TBC1D2B: variants seen among roughly 807,000 people sequenced by gnomAD.
TBC1D2B encodes TBC1 domain family, member 2B.
In TBC1D2B, 64 loss-of-function variants were observed where a neutral mutation model predicts 100.8. The ratio of observed to expected loss-of-function variants is 0.64; its 90% CI spans 0.52 to 0.78. TBC1D2B has a LOEUF of 0.78. TBC1D2B is among the 30% of genes least tolerant of loss of function. The probability of loss-of-function intolerance (pLI) is 0.00; values close to 1 mark genes in which losing one functional copy is unlikely to be tolerated. For synonymous variants in TBC1D2B, 480 were observed against 479.7 expected (o/e 1.00, Z -0.01); for missense variants, 1,052 against 1,218.4 (o/e 0.86, Z 2.03).
At chr15:78,000,332 C>A (rs892242555) in intron 12 of TBC1D2B, among the ~76,000 whole-genome samples, 2 of 152,348 alleles carry the variant, frequency 1.3e-5, no homozygotes, top group Middle Eastern at 3.4e-3. Context: ...CACCTCCGCT[C>A]CTCCTGGCAG....
intron 3 of TBC1D2B, among the ~76,000 whole-genome samples, chr15:78,038,733 G>A (rs140196568): frequency 0.01 from 1,538 of 152,284 alleles, 5 homozygotes; most frequent in Non-Finnish European, 0.016. Context: ...TGGTGGCCCT[G>A]GACAAGACAT....
rs369333666 is a variant in TBC1D2B, at chr15:78,009,628, A to C, written c.2271-514T>G. Among the ~76,000 whole-genome samples the C allele has an allele frequency of 9.2e-5, 14 of 152,208 alleles. No homozygotes were observed. The East Asian group carries it at 1.5e-3, about 17-fold the overall frequency. On this transcript the variant is annotated intron_variant, in intron 9 of 12. Transcript: ENST00000300584. Reference sequence around the variant, plus strand: ...ACTTTCATTTGGTTTTTGTTCAAAGATGAAATTGTTTCCCAATGATCAGCC... The same window carrying C: ...ACTTTCATTTGGTTTTTGTTCAAAGCTGAAATTGTTTCCCAATGATCAGCC...
At chr15:78,073,806 C>G (rs2073778029) in intron 1 of TBC1D2B, among the ~76,000 whole-genome samples, 1 of 151,868 alleles carries the variant, frequency 6.6e-6, no homozygotes, top group South Asian at 2.1e-4. Context: ...CCCGTCTCTA[C>G]TAAAAATACA....
rs1298292689 is a variant in TBC1D2B at position 77,996,739 on chromosome 15, A to G, written c.*1421T>C. The stretch of plus-strand genomic sequence containing the variant: ...TAGGAAAAATACTTCTTAAAACTGC[A>G]TTGCTTCAATTCTTAGTCTCAGTGT... On this transcript the variant is annotated 3_prime_UTR_variant, in exon 13 of 13. Coordinates refer to ENST00000300584, the MANE Select transcript of TBC1D2B (RefSeq NM_144572.2). The G allele has an allele frequency of 6.6e-6, 1 of 152,206 alleles. No homozygotes were observed. The highest frequency in any genetic ancestry group is 1.9e-4 in the East Asian group (1 of 5,202). 9.4% of individuals were successfully genotyped at this position (152,206 alleles called of 1,614,324 possible). A position where few individuals can be genotyped will look rare whatever the true frequency, so the allele number is the denominator to read the frequency against.
chr15:78,021,483 G>A (rs923665513), intron 6 of TBC1D2B, among the ~76,000 whole-genome samples: 4 of 152,166 alleles, frequency 2.6e-5, no homozygotes, highest in African/African-American at 9.7e-5. Context: ...CTTTCTCCCT[G>A]GAGCCTTTCC....
intron 6 of TBC1D2B, among the ~76,000 whole-genome samples, chr15:78,019,918 G>A (rs577030922): frequency 1.3e-5 from 2 of 151,734 alleles, no homozygotes; most frequent in South Asian, 4.2e-4. Flanking sequence ...GGGAGACAGG[G>A]TCTCACTCTT....
At chr15:78,072,845 G>T (rs1012731336) in intron 1 of TBC1D2B, among the ~76,000 whole-genome samples, 1 of 152,194 alleles carries the variant, frequency 6.6e-6, no homozygotes, top group Non-Finnish European at 1.5e-5. Flanking sequence ...CACACAGAGA[G>T]AGACGCACAC....
chr15:78,062,119 G>A (rs980618184), intron 1 of TBC1D2B, among the ~76,000 whole-genome samples: 9 of 152,116 alleles, frequency 5.9e-5, no homozygotes, highest in African/African-American at 4.8e-5. Flanking sequence ...CTTCTCCCAC[G>A]GGCAACCCTG....
chr15:78,054,027 G>A lies in TBC1D2B; in HGVS notation c.514+7C>T. ...ACTGACCCAGCTCCCCTTTATTTCTGCCTTACCAGTGTTATCTCTGGCTAC... is the reference window on the plus strand; with the variant it reads ...ACTGACCCAGCTCCCCTTTATTTCTACCTTACCAGTGTTATCTCTGGCTAC... On this transcript the variant is annotated splice_region_variant and intron_variant, in intron 2 of 12. Coordinates refer to ENST00000300584, the MANE Select transcript of TBC1D2B (RefSeq NM_144572.2). The A allele has an allele frequency of 6.2e-7, 1 of 1,609,982 alleles. No individual in the cohort carries two copies. The highest frequency in any genetic ancestry group is 8.5e-7 in the Non-Finnish European group (1 of 1,178,450).
chr15:78,001,495 C>G, intron 12 of TBC1D2B, 124 bp downstream of exon 12: 1 of 1,191,414 alleles, frequency 8.4e-7, no homozygotes, highest in African/African-American at 1.6e-5. Flanking sequence ...AAAGCAATGC[C>G]CTCTCCAACA....
chr15:78,011,222 A>C (rs1313272112), intron 9 of TBC1D2B, among the ~76,000 whole-genome samples: 1 of 152,200 alleles, frequency 6.6e-6, no homozygotes, highest in East Asian at 1.9e-4. Context: ...GACTTACTGA[A>C]AACCATTTGG....
intron 8 of TBC1D2B, 140 bp from the exon 9 acceptor site, chr15:78,013,457 G>A: frequency 1.2e-6 from 1 of 836,122 alleles, no homozygotes; most frequent in Non-Finnish European, 1.8e-6. Flanking sequence ...AATCAGTGAG[G>A]ATATAATCGA....
chr15:78,016,461 C>T (rs1210211431), intron 8 of TBC1D2B, 85 bp downstream of exon 8: 19 of 1,290,022 alleles, frequency 1.5e-5, no homozygotes, highest in Non-Finnish European at 1.7e-5. Context: ...CAGTTGTGTA[C>T]GGCTCTCTGC....
At chr15:78,029,967 C>A in intron 4 of TBC1D2B, 40 bp downstream of exon 4, 1 of 1,547,340 alleles carries the variant, frequency 6.5e-7, no homozygotes, top group Non-Finnish European at 8.8e-7. Flanking sequence ...TAACAGATGG[C>A]AGTACAGAGA....
At chr15:78,024,753 T>C (rs147438496) in intron 5 of TBC1D2B, among the ~76,000 whole-genome samples, 64 of 152,220 alleles carry the variant, frequency 4.2e-4, no homozygotes, top group Non-Finnish European at 7.8e-4. Flanking sequence ...AGAACAGTAA[T>C]AGGAAACAGG....
intron 1 of TBC1D2B, 51 bp from the exon 2 acceptor site, chr15:78,054,238 G>A: frequency 6.4e-7 from 1 of 1,554,430 alleles, no homozygotes; most frequent in South Asian, 1.2e-5. Flanking sequence ...AATATGAAGA[G>A]CTTAAAAAAT....
intron 3 of TBC1D2B, among the ~76,000 whole-genome samples, chr15:78,035,328 T>C (rs2072919859): frequency 6.6e-6 from 1 of 152,250 alleles, no homozygotes; most frequent in Non-Finnish European, 1.5e-5. Flanking sequence ...TCGTTTGGAT[T>C]CTGATAACAA....
chr15:78,034,873 A>G (rs2141732833), intron 3 of TBC1D2B: 2 of 317,142 alleles, frequency 6.3e-6, no homozygotes, highest in East Asian at 1.7e-4. Context: ...GGGTCATTAC[A>G]GTGCAGACTT....
Position 77,995,748 on chromosome 15 carries a change from G to C in TBC1D2B, c.*2412C>G, listed in dbSNP as rs2071734455. On this transcript the variant is annotated 3_prime_UTR_variant, in exon 13 of 13. Transcript: ENST00000300584. ...GGTCCTGGTGCGCACGTTTGGACAGGCCTTTGGGTTTCCCAGCTGGCAGGG... is the reference window on the plus strand; with the variant it reads ...GGTCCTGGTGCGCACGTTTGGACAGCCCTTTGGGTTTCCCAGCTGGCAGGG... The C allele has an allele frequency of 6.6e-6, 1 of 152,448 alleles. No homozygotes were observed. Among genetic ancestry groups the C allele is most frequent in the Admixed American group, 6.5e-5 (1 of 15,288 alleles). The allele number at this position is 152,448 out of a possible 1,614,324, so 9.4% of individuals were successfully genotyped here.
Sources: gnomAD v4.1 joint callset for allele counts (sites outside exome capture counted in the v4.1 genomes callset) on GRCh38, gnomAD v4.1.1 for gene constraint, MANE v1.5 for transcripts, NCBI Gene and HGNC (gene_info 2026-07-23, HGNC 2026-07-21) for gene names.